NAALADL1: variants seen among roughly 807,000 people sequenced by gnomAD.
NAALADL1 encodes aminopeptidase NAALADL1.
Under a neutral mutation model 82.8 loss-of-function variants are expected in NAALADL1, and 77 were observed. The ratio of observed to expected loss-of-function variants is 0.93; its 90% CI spans 0.77 to 1.12. NAALADL1 has a LOEUF of 1.12. Among genes scored for constraint, NAALADL1 ranks in the 50% most tolerant of loss-of-function variants. The probability of loss-of-function intolerance (pLI) is 0.00; values close to 1 mark genes in which losing one functional copy is unlikely to be tolerated. For synonymous variants in NAALADL1, 358 were observed against 399.2 expected, an observed-to-expected ratio of 0.90 and a Z score of 1.23; for missense variants, 956 against 964.0, an observed-to-expected ratio of 0.99 and a Z score of 0.11.
At chr11:65,047,925 C>A in intron 11 of NAALADL1, 56 bp downstream of exon 11, 3 of 1,504,972 alleles carry the variant, frequency 2.0e-6, no homozygotes, top group South Asian at 2.5e-5. Context: ...CGGCCCCGTC[C>A]GCCGCACGCG....
In NAALADL1 at chr11:65,058,324, C is replaced by T. The variant is rs1947105477; in HGVS notation, c.185+13G>A. ...CTCTGGCAAACGGAGGAGCAGATGG[C>T]CCCACTTCTCACCTGAGGTTCTCCC... is the stretch of plus-strand genomic sequence containing the variant. On this transcript the variant is annotated intron_variant, in intron 1 of 17. Transcript: ENST00000358658. 3 of 1,614,082 alleles carry T rather than the reference C, an allele frequency of 1.9e-6. No homozygotes were observed. The highest frequency in any genetic ancestry group is 2.2e-5 in the East Asian group (1 of 44,888).
chr11:65,054,301 T>C lies in NAALADL1; in HGVS notation c.941A>G (p.His314Arg), dbSNP rs1160948820. 1.9e-6 allele frequency: 3 copies of C among 1,614,074 alleles called. No homozygotes were observed. In the Admixed American group the frequency reaches 5.0e-5, roughly 27 times the overall value. Residue 314 changes from histidine to arginine, a missense_variant, in exon 6 of 18, where the codon CAC becomes CGC. By Grantham distance (29) the His-to-Arg change is conservative. Coordinates refer to ENST00000358658, the MANE Select transcript of NAALADL1 (RefSeq NM_005468.3). This position sits in a 1 kb window ranked among gnomAD's most constrained non-coding sequence, Gnocchi z 4.3. ...PATWQGALGC[H>R]YRLGPGFRPD... ...CCGGAAGCCGGGACCCAACCTGTAG[T>C]GGCAGCCCAGTGCTCCCTGCCAGGT...
rs760441380 is a variant in NAALADL1, at chr11:65,057,343, CCTCCT to C, written c.603+23_603+27del. Reference sequence around the variant, plus strand: ...CTGCCCAGCCCCTTCCTCACCGAGGCCTCCTGCACTGGGGGACTGCCACTCACCTT... The same window carrying C: ...CTGCCCAGCCCCTTCCTCACCGAGGCGCACTGGGGGACTGCCACTCACCTT... On this transcript the variant is annotated intron_variant, in intron 4 of 17. Coordinates refer to ENST00000358658, the MANE Select transcript of NAALADL1 (RefSeq NM_005468.3). The C allele has an allele frequency of 1.9e-6, 3 of 1,579,268 alleles. No individual in the cohort carries two copies. In the East Asian group the frequency reaches 6.8e-5, roughly 36 times the overall value.
chr11:65,046,967 C>T (rs1237233110), intron 13 of NAALADL1, among the ~76,000 whole-genome samples: 2 of 152,016 alleles, frequency 1.3e-5, no homozygotes, highest in Admixed American at 6.6e-5. Context: ...CTGAGATTAA[C>T]TTCCCCCCTC....
upstream of NAALADL1, among the ~76,000 whole-genome samples, chr11:65,059,506 G>A (rs914206792): frequency 2.6e-5 from 4 of 152,170 alleles, no homozygotes; most frequent in Admixed American, 6.5e-5. Context: ...AGCGATACGA[G>A]GAATGGGAGT....
At position 65,046,382 on chromosome 11, in the gene NAALADL1, C is replaced by T. The variant is rs377379593; in HGVS notation, c.1682-20G>A. 1.6e-4 allele frequency: 264 copies of T among 1,614,082 alleles called. No individual in the cohort carries two copies. The highest frequency in any genetic ancestry group is 2.2e-4 in the Non-Finnish European group (256 of 1,180,024). On this transcript the variant is annotated intron_variant, in intron 14 of 17. Coordinates refer to ENST00000358658, the MANE Select transcript of NAALADL1 (RefSeq NM_005468.3). Reference sequence around the variant, plus strand: ...TGAAGCCTGCGGCAAGGTGACAAGGCCAGGGCTCAGTCTTCAGCCTCTCCT... The same window carrying T: ...TGAAGCCTGCGGCAAGGTGACAAGGTCAGGGCTCAGTCTTCAGCCTCTCCT...
intron 8 of NAALADL1, among the ~76,000 whole-genome samples, chr11:65,051,274 C>G (rs1295575242): frequency 6.7e-6 from 1 of 148,870 alleles, no homozygotes; most frequent in African/African-American, 2.5e-5. Context: ...GCTACCAACT[C>G]CCCAAGTCAT....
intron 14 of NAALADL1, 23 bp from the exon 15 acceptor site, chr11:65,046,385 G>A (rs199839861): frequency 1.5e-4 from 247 of 1,614,050 alleles, no homozygotes; most frequent in Non-Finnish European, 1.9e-4. Context: ...GACAAGGCCA[G>A]GGCTCAGTCT....
intron 17 of NAALADL1, 153 bp from the exon 18 acceptor site, chr11:65,045,610 T>G: frequency 2.1e-6 from 2 of 960,694 alleles, no homozygotes; most frequent in South Asian, 3.5e-5. Context: ...CTTACAGCAG[T>G]GGCGGTCGGG....
chr11:65,048,535 A>T (rs1275826862), intron 8 of NAALADL1, 150 bp from the exon 9 acceptor site: 4 of 821,884 alleles, frequency 4.9e-6, no homozygotes, highest in Admixed American at 2.2e-5. Context: ...CAGGCCTTCC[A>T]GGAGGCTCCC....
chr11:65,047,410 C>A, intron 13 of NAALADL1, 65 bp downstream of exon 13: 1 of 1,405,068 alleles, frequency 7.1e-7, no homozygotes, highest in Non-Finnish European at 9.8e-7. Context: ...TGAGAACAGC[C>A]ACAAAGAGAG....
rs115140959 is a variant in NAALADL1, at chr11:65,047,022, T to C, written c.1599+453A>G. On this transcript the variant is annotated intron_variant, in intron 13 of 17. Transcript: ENST00000358658. ...TTAAGATCTTTGGAAACAGAATGCTTCTCACAGGCAATGCCATCTTACAAC... is the reference window on the plus strand; with the variant it reads ...TTAAGATCTTTGGAAACAGAATGCTCCTCACAGGCAATGCCATCTTACAAC... Among the ~76,000 whole-genome samples, 647 of 149,708 alleles carry C rather than the reference T, an allele frequency of 4.3e-3. 3 individuals are homozygous for C. Among genetic ancestry groups the C allele is most frequent in the African/African-American group, 0.014 (580 of 40,834 alleles).
chr11:65,046,654 G>A, intron 13 of NAALADL1, 128 bp from the exon 14 acceptor site: 1 of 883,966 alleles, frequency 1.1e-6, no homozygotes, highest in Non-Finnish European at 1.8e-6. Context: ...GTGGCTTCTA[G>A]AATTCCCACA....
rs148772939 is a variant in NAALADL1 at position 65,053,266 on chromosome 11, C to T, written c.1150G>A (p.Ala384Thr). The T allele has an allele frequency of 4.5e-4, 699 of 1,554,486 alleles. No homozygotes were observed. Among genetic ancestry groups the T allele is most frequent in the Non-Finnish European group, 4.1e-4 (475 of 1,149,318 alleles). The change falls in exon 8 of 18, where the codon GCC (alanine) becomes ACC (threonine). Residue 384 changes from alanine (A) to threonine (T), a missense_variant. Coordinates refer to ENST00000358658, the MANE Select transcript of NAALADL1 (RefSeq NM_005468.3). The surrounding 1 kb of genome is among the most constrained non-coding windows in gnomAD (Gnocchi z 4.3). Reference sequence around the variant, plus strand: ...ACACGGGAGAGCTCCAGGAGGACGGCGGTGCCACTGCTGGGGTCCACAGCC... The same window carrying T: ...ACACGGGAGAGCTCCAGGAGGACGGTGGTGCCACTGCTGGGGTCCACAGCC... ...HGAVDPSSGT[A>T]VLLELSRVLG...
Position 65,053,460 on chromosome 11 carries a change from C to T in NAALADL1, c.1078+31G>A. On this transcript the variant is annotated intron_variant, in intron 7 of 17. Transcript: ENST00000358658. This position sits in a 1 kb window ranked among gnomAD's most constrained non-coding sequence, Gnocchi z 4.3. ...GCGGCATCCAGAGCAGAGCAGGGGC[C>T]TGGGGTGCAGGCAGCAAGAGGAGGG... is the stretch of plus-strand genomic sequence containing the variant. 6.2e-7 allele frequency: 1 copy of T among 1,613,408 alleles called. No individual in the cohort carries two copies.
At chr11:65,048,127 C>G (rs1466862745) in intron 10 of NAALADL1, 25 bp downstream of exon 10, 2 of 1,614,046 alleles carry the variant, frequency 1.2e-6, no homozygotes, top group Non-Finnish European at 1.7e-6. Context: ...GTCTCCTCCC[C>G]TTTCCTGCCC....
chr11:65,049,857 T>G (rs531895291), intron 8 of NAALADL1, among the ~76,000 whole-genome samples: 2 of 152,026 alleles, frequency 1.3e-5, no homozygotes, highest in Non-Finnish European at 2.9e-5. Flanking sequence ...GGCAACAGAG[T>G]GAGACCCTGT....
rs992011546 is a variant in NAALADL1 at position 65,057,808 on chromosome 11, G to C, written c.480+67C>G. 22 of 1,599,148 alleles carry C rather than the reference G, an allele frequency of 1.4e-5. 1 individual carries two copies. In the South Asian group the frequency reaches 2.3e-4, roughly 17 times the overall value. On this transcript the variant is annotated intron_variant, in intron 3 of 17. Coordinates refer to ENST00000358658, the MANE Select transcript of NAALADL1 (RefSeq NM_005468.3). The stretch of plus-strand genomic sequence containing the variant: ...AGTTGAGGCACGTTCCCTGGGTCAG[G>C]GTGGGGAGAACCCTGGGTGGAACCA...
rs1209440172 is a variant in NAALADL1 at position 65,053,417 on chromosome 11, C to A, written c.1078+74G>T. 6.2e-7 allele frequency: 1 copy of A among 1,612,672 alleles called. No individual in the cohort carries two copies. The highest frequency in any genetic ancestry group is 1.1e-5 in the South Asian group (1 of 91,040). ...GAGCTGGGCTGGGTGGTGGCAAGGG[C>A]AGGGCTGGATGAGGACAGCGGCATC... On this transcript the variant is annotated intron_variant, in intron 7 of 17. Coordinates refer to ENST00000358658, the MANE Select transcript of NAALADL1 (RefSeq NM_005468.3). The surrounding 1 kb of genome is among the most constrained non-coding windows in gnomAD (Gnocchi z 4.3).
Sources: allele counts gnomAD v4.1 joint callset (sites outside exome capture counted in the v4.1 genomes callset), GRCh38; gene constraint gnomAD v4.1.1; non-coding constraint Gnocchi (gnomAD v3.1); transcripts MANE v1.5; gene names NCBI Gene and HGNC (gene_info 2026-07-23, HGNC 2026-07-21).